The following USH2A variants were observed in gnomAD, a reference collection of about 807,000 sequenced individuals.
USH2A encodes usherin.
A neutral mutation model predicts 538.9 loss-of-function variants in USH2A; 443 were observed. The ratio of observed to expected loss-of-function variants is 0.82; its 90% CI spans 0.76 to 0.89. The LOEUF is 0.89. USH2A is among the 40% of genes least tolerant of loss of function. The pLI is 0.00. For missense variants in USH2A, 6,633 were observed against 6,324.8 expected (o/e 1.05, Z -1.65); for synonymous variants, 2,413 against 2,273.5 (o/e 1.06, Z -1.75).
intron 11 of USH2A, among the ~76,000 whole-genome samples, chr1:216,262,012 C>A (rs2036382749): frequency 6.6e-6 from 1 of 152,160 alleles, no homozygotes; most frequent in Admixed American, 6.6e-5. Context: ...TGTGCCCACT[C>A]AGGACCCAAG....
chr1:215,897,709 A>G (rs1665384706), intron 40 of USH2A, among the ~76,000 whole-genome samples: 1 of 125,686 alleles, frequency 8.0e-6, no homozygotes, highest in African/African-American at 3.8e-5. Flanking sequence ...GGAAAGGAAG[A>G]AAAGAAAGAA....
chr1:216,104,433 A>G (rs75789208), intron 21 of USH2A, among the ~76,000 whole-genome samples: 6,993 of 152,248 alleles, frequency 0.046, 198 homozygotes, highest in South Asian at 0.13. Context: ...TTCATGGTGT[A>G]TATGCACCAC....
intron 35 of USH2A, among the ~76,000 whole-genome samples, chr1:215,992,767 C>G (rs1357007283): frequency 1.3e-5 from 2 of 152,104 alleles, no homozygotes; most frequent in African/African-American, 2.4e-5. Context: ...CTCTCTTCAC[C>G]TCTCCTGGAG....
chr1:215,954,230 T>C (rs1667003040), intron 37 of USH2A, among the ~76,000 whole-genome samples: 1 of 152,144 alleles, frequency 6.6e-6, no homozygotes, highest in South Asian at 2.1e-4. Context: ...ACCCAAGGGA[T>C]TATAAATCAT....
At chr1:216,188,850 C>T (rs887929903) in intron 20 of USH2A, among the ~76,000 whole-genome samples, 4 of 151,896 alleles carry the variant, frequency 2.6e-5, no homozygotes, top group Admixed American at 6.6e-5. Flanking sequence ...ATCCCTATGT[C>T]CCCTACTATA....
chr1:215,705,871 C>G (rs1280923643), intron 61 of USH2A, among the ~76,000 whole-genome samples: 1 of 152,200 alleles, frequency 6.6e-6, no homozygotes, highest in Non-Finnish European at 1.5e-5. Flanking sequence ...TTCTGAAAGA[C>G]ACATCTGACT....
intron 37 of USH2A, among the ~76,000 whole-genome samples, chr1:215,960,456 G>A (rs925748227): frequency 2.0e-5 from 3 of 151,998 alleles, no homozygotes; most frequent in Non-Finnish European, 4.4e-5. Flanking sequence ...AAAAAATACT[G>A]AAGATGTTGT....
In USH2A at chr1:216,365,055, T is replaced by C; in HGVS notation, c.682A>G (p.Asn228Asp). Residue 228 changes from asparagine to aspartate, a missense_variant, in exon 4 of 72, where the codon AAT becomes GAT. Transcript: ENST00000307340. ...VHQTKISFFI[N>D]GVEKDHTPFN... ...GGTGTATGATCCTTCTCCACGCCAT[T>C]GATAAAGAAGCTGATTTTTGTCTGA... 1.2e-6 allele frequency: 2 copies of C among 1,613,340 alleles called. No individual in the cohort carries two copies. The highest frequency in any genetic ancestry group is 1.7e-6 in the Non-Finnish European group (2 of 1,179,538).
At chr1:216,346,686 T>A (rs1558048171) in intron 4 of USH2A, among the ~76,000 whole-genome samples, 1 of 151,660 alleles carries the variant, frequency 6.6e-6, no homozygotes, top group African/African-American at 2.4e-5. Context: ...GAATCTGCTA[T>A]TAAAATGGAA....
At chr1:216,017,087 C>A (rs1668729717) in intron 32 of USH2A, among the ~76,000 whole-genome samples, 1 of 151,992 alleles carries the variant, frequency 6.6e-6, no homozygotes, top group South Asian at 2.1e-4. Context: ...AAATATTGAA[C>A]CCAGGATTTT....
chr1:216,415,892 C>T (rs542020966), intron 3 of USH2A, among the ~76,000 whole-genome samples: 1 of 152,150 alleles, frequency 6.6e-6, no homozygotes, highest in Admixed American at 6.6e-5. Context: ...AGGCTGGGCA[C>T]TCTGGCTCAT....
intron 4 of USH2A, among the ~76,000 whole-genome samples, chr1:216,340,230 T>C (rs375045627): frequency 3.7e-4 from 56 of 152,014 alleles, no homozygotes; most frequent in African/African-American, 1.2e-3. Context: ...ACAAATAAAC[T>C]AGAAAATCTA....
intron 21 of USH2A, chr1:216,174,735 G>A: frequency 1.0e-6 from 1 of 995,838 alleles, no homozygotes; most frequent in Non-Finnish European, 1.2e-6. Flanking sequence ...GAGATATTAA[G>A]TTGTCACAGT....
intron 61 of USH2A, among the ~76,000 whole-genome samples, chr1:215,722,056 C>A (rs769996147): frequency 3.1e-5 from 4 of 128,788 alleles, no homozygotes; most frequent in Admixed American, 8.4e-5. Flanking sequence ...CAGAGCAAGA[C>A]CCTGTCTCTT....
intron 4 of USH2A, among the ~76,000 whole-genome samples, chr1:216,341,023 G>T (rs183910988): frequency 6.6e-6 from 1 of 151,984 alleles, no homozygotes; most frequent in Non-Finnish European, 1.5e-5. Context: ...AGAAATAAAG[G>T]GTATTCAAAC....
intron 68 of USH2A, among the ~76,000 whole-genome samples, chr1:215,639,540 C>T (rs77616618): frequency 0.029 from 4,345 of 152,278 alleles, 135 homozygotes; most frequent in African/African-American, 0.077. Context: ...GTTCTGCACA[C>T]GGTTTAAATC....
intron 3 of USH2A, among the ~76,000 whole-genome samples, chr1:216,408,029 A>G (rs1571789990): frequency 6.6e-6 from 1 of 151,992 alleles, no homozygotes; most frequent in African/African-American, 2.4e-5. Context: ...ATTTGTATAT[A>G]TTTCCTTTTA....
chr1:215,785,186 C>T (rs956433476), intron 52 of USH2A, among the ~76,000 whole-genome samples: 1 of 152,168 alleles, frequency 6.6e-6, no homozygotes, highest in Admixed American at 6.5e-5. Context: ...AACAAGTGTC[C>T]AAATCCATAT....
intron 13 of USH2A, among the ~76,000 whole-genome samples, chr1:216,246,358 G>A (rs1232071093): frequency 2.0e-5 from 3 of 152,096 alleles, no homozygotes; most frequent in Admixed American, 1.3e-4. Context: ...AAATAAATCC[G>A]ATCGGCTGAG....
Sources: gnomAD v4.1 joint callset for allele counts (sites outside exome capture counted in the v4.1 genomes callset) on GRCh38, gnomAD v4.1.1 for gene constraint, MANE v1.5 for transcripts, NCBI Gene and HGNC (gene_info 2026-07-23, HGNC 2026-07-21) for gene names.